Variants in LMF1 observed in about 807,000 individuals in gnomAD.
The protein encoded by LMF1 is lipase maturation factor 1.
Under a neutral mutation model 60.6 loss-of-function variants are expected in LMF1, and 68 were observed. The observed-to-expected ratio is 1.12, with a 90% CI of 0.92 to 1.37. The LOEUF is 1.37. LMF1 is among the 40% of genes most tolerant of loss of function. LMF1 has a pLI of 0.00. For missense variants in LMF1, 948 were observed against 767.2 expected, an observed-to-expected ratio of 1.24 and a Z score of -2.78; for synonymous variants, 418 against 324.7, an observed-to-expected ratio of 1.29 and a Z score of -3.09.
In LMF1 at chr16:878,557, G is replaced by GA. The variant is rs1468299661; in HGVS notation, c.897+1012dup. Among the ~76,000 whole-genome samples, 2 of 152,224 alleles carry GA rather than the reference G, an allele frequency of 1.3e-5. No homozygotes were observed. The highest frequency in any genetic ancestry group is 4.8e-5 in the African/African-American group (2 of 41,450). ...GCACGGCAGGCTGTGGTGAAAACCA[G>GA]AAACTACCACACGTGCACAGACGGG... On this transcript the variant is annotated intron_variant, in intron 6 of 10. Coordinates refer to ENST00000262301, the MANE Select transcript of LMF1 (RefSeq NM_022773.4). This position sits in a 1 kb window ranked among gnomAD's most constrained non-coding sequence, Gnocchi z 5.2.
At chr16:880,323 C>T (rs1194858770) in intron 5 of LMF1, among the ~76,000 whole-genome samples, 2 of 152,190 alleles carry the variant, frequency 1.3e-5, no homozygotes, top group African/African-American at 4.8e-5. Context: ...CACCTAGGGT[C>T]CCACTCAGCA....
chr16:976,733 C>G, intron 1 of LMF1: 2 of 454,164 alleles, frequency 4.4e-6, no homozygotes, highest in Non-Finnish European at 8.8e-6. Context: ...CGCTGAGCAG[C>G]AGGAGCACAG....
Position 897,052 on chromosome 16 carries a change from G to A in LMF1, c.664-3980C>T, listed in dbSNP as rs1040008335. 1.1e-4 allele frequency among the ~76,000 whole-genome samples: 16 copies of A among 151,964 alleles called. No homozygotes were observed. Among genetic ancestry groups the A allele is most frequent in the Non-Finnish European group, 1.6e-4 (11 of 68,000 alleles). On this transcript the variant is annotated intron_variant, in intron 4 of 10. Coordinates refer to ENST00000262301, the MANE Select transcript of LMF1 (RefSeq NM_022773.4). The surrounding 1 kb of genome is among the most constrained non-coding windows in gnomAD (Gnocchi z 4.3). ...AAACGCACCAGACCCAAAGGGAGCC[G>A]GGGACCCACACTGCCCGTGCCACCC...
At chr16:971,221 C>T (rs1170768524), upstream of LMF1, among the ~76,000 whole-genome samples, 1 of 152,176 alleles carries the variant, frequency 6.6e-6, no homozygotes, top group Non-Finnish European at 1.5e-5. Context: ...GCGGGTAGGG[C>T]GCGGGGCCGG....
At chr16:971,828 G>C (rs868232293), upstream of LMF1, among the ~76,000 whole-genome samples, 24 of 152,348 alleles carry the variant, frequency 1.6e-4, no homozygotes, top group Middle Eastern at 3.4e-3. Context: ...TGAATAAACT[G>C]TGGGGCACTT....
rs1247386163 is a variant in LMF1 at position 969,404 on chromosome 16, CA to C, written c.193+1383del. On this transcript the variant is annotated intron_variant, in intron 1 of 10. Transcript: ENST00000262301. ...AGTTGAAGCCGATACTGCAATCCCA[CA>C]GGAAACCTTGTAGTGATGAGCGCGT... is the stretch of plus-strand genomic sequence containing the variant. 2.0e-5 allele frequency among the ~76,000 whole-genome samples: 3 copies of C among 152,340 alleles called. No homozygotes were observed. The East Asian group carries it at 5.8e-4, about 29-fold the overall frequency.
At chr16:884,509 T>G (rs1261754458) in intron 5 of LMF1, among the ~76,000 whole-genome samples, 1 of 152,242 alleles carries the variant, frequency 6.6e-6, no homozygotes, top group Non-Finnish European at 1.5e-5. Context: ...ATTGACAAGC[T>G]GAAAGAACTT....
intron 4 of LMF1, 111 bp downstream of exon 4, chr16:910,820 G>A (rs1260880804): frequency 3.6e-6 from 5 of 1,398,312 alleles, no homozygotes; most frequent in South Asian, 1.3e-5. Flanking sequence ...GCCGACAGGA[G>A]GACAGAGGGC....
intron 3 of LMF1, among the ~76,000 whole-genome samples, chr16:918,809 G>A (rs920776073): frequency 4.6e-5 from 7 of 151,988 alleles, no homozygotes; most frequent in Non-Finnish European, 8.8e-5. Context: ...GTCCCGGGGC[G>A]CACCCCGACT....
chr16:924,576 T>A (rs1013984887), intron 3 of LMF1, among the ~76,000 whole-genome samples: 1 of 152,176 alleles, frequency 6.6e-6, no homozygotes, highest in African/African-American at 2.4e-5. Flanking sequence ...CTGAAGGTTA[T>A]AAAACCACAC....
chr16:872,914 C>T (rs991980917), intron 6 of LMF1: 1 of 152,262 alleles, frequency 6.6e-6, no homozygotes, highest in African/African-American at 2.4e-5. Flanking sequence ...CAGCCCTGAG[C>T]ACCTGCCTGC....
intron 3 of LMF1, among the ~76,000 whole-genome samples, chr16:915,197 C>T (rs1246604321): frequency 1.3e-5 from 2 of 152,240 alleles, no homozygotes; most frequent in South Asian, 2.1e-4. Flanking sequence ...AGGGATGACT[C>T]TGGGGACATT....
Position 854,105 on chromosome 16 carries a change from C to A in LMF1, c.*427G>T. 1 of 459,788 alleles carries A rather than the reference C, an allele frequency of 2.2e-6. No individual in the cohort carries two copies. Among genetic ancestry groups the A allele is most frequent in the Non-Finnish European group, 4.3e-6 (1 of 230,888 alleles). The allele number at this position is 459,788 out of a possible 1,614,324, so 28.5% of individuals were successfully genotyped here. On this transcript the variant is annotated 3_prime_UTR_variant, in exon 11 of 11. Coordinates refer to ENST00000262301, the MANE Select transcript of LMF1 (RefSeq NM_022773.4). ...CTGAGGGTCAGGACCTGGCTGGGAA[C>A]ACACCATTGAAGAGGGAACAGAAAC...
chr16:915,246 G>A (rs1032287165), intron 3 of LMF1, among the ~76,000 whole-genome samples: 1 of 152,194 alleles, frequency 6.6e-6, no homozygotes, highest in Non-Finnish European at 1.5e-5. Context: ...TGTGAGGCAT[G>A]GGTATGGATG....
At chr16:912,673 C>G (rs1326847782) in intron 3 of LMF1, among the ~76,000 whole-genome samples, 1 of 152,242 alleles carries the variant, frequency 6.6e-6, no homozygotes, top group African/African-American at 2.4e-5. Context: ...GCTCACGCCC[C>G]AGGCTCGCTG....
At chr16:914,509 T>TTC (rs2071215839) in intron 3 of LMF1, among the ~76,000 whole-genome samples, 1 of 7,944 alleles carries the variant, frequency 1.3e-4, no homozygotes, top group South Asian at 2.7e-3. Context: ...CTCCCTCCCT[T>TTC]CCATGACCAT....
chr16:860,334 T>C (rs551880760), intron 10 of LMF1, among the ~76,000 whole-genome samples: 1 of 152,144 alleles, frequency 6.6e-6, no homozygotes, highest in East Asian at 1.9e-4. Flanking sequence ...TCTTCTATTT[T>C]TTCCTGAAAG....
Position 925,578 on chromosome 16 carries a change from TAAA to T in LMF1, c.514+8663_514+8665del, listed in dbSNP as rs1027637964. 5.9e-5 allele frequency among the ~76,000 whole-genome samples: 9 copies of T among 151,574 alleles called. No individual in the cohort carries two copies. The South Asian group carries it at 8.3e-4, about 14-fold the overall frequency. On this transcript the variant is annotated intron_variant, in intron 3 of 10. Coordinates refer to ENST00000262301, the MANE Select transcript of LMF1 (RefSeq NM_022773.4). ...GACCCTGTCACTATAAAAAAGAAAA[TAAA>T]AAAATTAATCGGGTGTGGTGGTTCA...
intron 8 of LMF1, among the ~76,000 whole-genome samples, chr16:870,390 G>A (rs894745619): frequency 6.6e-6 from 1 of 152,236 alleles, no homozygotes; most frequent in African/African-American, 2.4e-5. Flanking sequence ...GGACAGGGAG[G>A]GTGCCTGTGT....
Sources: gnomAD v4.1 joint callset for allele counts (sites outside exome capture counted in the v4.1 genomes callset) on GRCh38, gnomAD v4.1.1 for gene constraint, Gnocchi (gnomAD v3.1) non-coding constraint, MANE v1.5 for transcripts, NCBI Gene and HGNC (gene_info 2026-07-23, HGNC 2026-07-21) for gene names.